The following PCDH7 variants were observed in gnomAD, a reference collection of about 807,000 sequenced individuals.
The protein encoded by PCDH7 is protocadherin-7.
Under a neutral mutation model 58.9 loss-of-function variants are expected in PCDH7, and 17 were observed. The ratio of observed to expected loss-of-function variants is 0.29; its 90% confidence interval spans 0.20 to 0.43. The LOEUF is 0.43. Among genes scored for constraint, PCDH7 ranks in the 20% least tolerant of loss-of-function variants. PCDH7 has a pLI of 1.00. For missense variants in PCDH7, 1,274 were observed against 1,441.0 expected (o/e 0.88, Z 1.88); for synonymous variants, 664 against 616.4 (o/e 1.08, Z -1.14).
intron 3 of PCDH7, among the ~76,000 whole-genome samples, chr4:31,009,432 G>A (rs1380695771): frequency 1.3e-5 from 2 of 151,912 alleles, no homozygotes; most frequent in African/African-American, 4.8e-5. Context: ...TACACACAGA[G>A]ACGCATTATA....
At chr4:31,142,239 A>T (rs1028788777) in intron 3 of PCDH7, among the ~76,000 whole-genome samples, 1 of 152,128 alleles carries the variant, frequency 6.6e-6, no homozygotes, top group African/African-American at 2.4e-5. Context: ...ACACACTTAA[A>T]TGTATCATTT....
chr4:30,739,513 A>G (rs1706663030), intron 1 of PCDH7, among the ~76,000 whole-genome samples: 1 of 152,172 alleles, frequency 6.6e-6, no homozygotes, highest in African/African-American at 2.4e-5. Context: ...AATTTCATAT[A>G]CAGAGATGGT....
rs575157240 is a variant in PCDH7, at chr4:31,059,678, G to A, written c.*8-82795G>A. Among the ~76,000 whole-genome samples the A allele has an allele frequency of 2.0e-5, 3 of 151,868 alleles. No individual in the cohort carries two copies. In the East Asian group the frequency reaches 5.8e-4, roughly 29 times the overall value. Reference sequence around the variant, plus strand: ...CTGGGAAAACGAAAATTTATATTTAGTGAAGGACAGTTGAGTCAGATATCT... The same window carrying A: ...CTGGGAAAACGAAAATTTATATTTAATGAAGGACAGTTGAGTCAGATATCT... On this transcript the variant is annotated intron_variant, in intron 3 of 3. Coordinates refer to the PCDH7 transcript ENST00000509759.
At chr4:31,019,435 GGCTCGTGCCTATAATCTCA>G (rs1305784900) in intron 3 of PCDH7, among the ~76,000 whole-genome samples, 1 of 152,126 alleles carries the variant, frequency 6.6e-6, no homozygotes, top group Admixed American at 6.6e-5. Flanking sequence ...CAGGCATGGT[GGCTCGTGCCTATAATCTCA>G]GCACTTTGGG....
chr4:30,723,780 A>G lies in PCDH7; in HGVS notation c.2358A>G (p.Gly786=). The G allele has an allele frequency of 6.2e-7, 1 of 1,614,132 alleles. No individual in the cohort carries two copies. The highest frequency in any genetic ancestry group is 8.5e-7 in the Non-Finnish European group (1 of 1,180,032). ...ACCTGAACTACAGCATTGTGGGAGG[A>G]AATCCCTTCAAGCTGTTTGAAATTG... Residue 786 remains glycine (G), a synonymous_variant, in exon 1 of 2, where the codon GGA becomes GGG. Transcript: ENST00000361762. The surrounding 1 kb of genome is among the most constrained non-coding windows in gnomAD (Gnocchi z 4.6).
At chr4:30,948,799 C>A (rs1250229346) in intron 2 of PCDH7, among the ~76,000 whole-genome samples, 1 of 151,986 alleles carries the variant, frequency 6.6e-6, no homozygotes, top group Non-Finnish European at 1.5e-5. Flanking sequence ...ATTGCCTAAG[C>A]CTTAGGTGGG....
chr4:31,121,613 G>A (rs528887390), intron 3 of PCDH7, among the ~76,000 whole-genome samples: 2 of 152,158 alleles, frequency 1.3e-5, no homozygotes, highest in African/African-American at 4.8e-5. Flanking sequence ...TTGAGAATTT[G>A]TAGTTCTTGT....
intron 3 of PCDH7, among the ~76,000 whole-genome samples, chr4:31,056,113 A>G (rs1377459694): frequency 6.6e-6 from 1 of 152,066 alleles, no homozygotes; most frequent in Non-Finnish European, 1.5e-5. Flanking sequence ...TCATGCATGT[A>G]ATCTCAATAC....
At chr4:31,126,881 G>T (rs962175213) in intron 3 of PCDH7, among the ~76,000 whole-genome samples, 3 of 152,102 alleles carry the variant, frequency 2.0e-5, no homozygotes, top group Admixed American at 2.0e-4. Flanking sequence ...TGATTTATTT[G>T]AATTGTACAA....
intron 3 of PCDH7, among the ~76,000 whole-genome samples, chr4:31,043,360 A>G (rs1756033863): frequency 6.6e-6 from 1 of 152,126 alleles, no homozygotes; most frequent in South Asian, 2.1e-4. Flanking sequence ...GAATTGCCAC[A>G]CTGTCTTCCA....
intron 3 of PCDH7, among the ~76,000 whole-genome samples, chr4:31,128,828 T>A (rs1560251211): frequency 6.6e-6 from 1 of 152,190 alleles, no homozygotes; most frequent in African/African-American, 2.4e-5. Context: ...TACATTGTTC[T>A]GTTAGAAAGA....
chr4:30,988,710 G>C (rs190073266), intron 3 of PCDH7, among the ~76,000 whole-genome samples: 23 of 152,254 alleles, frequency 1.5e-4, no homozygotes, highest in Admixed American at 1.1e-3. Flanking sequence ...ACAAATTGAA[G>C]TTTGCAACAT....
rs183071555 is a variant in PCDH7, at chr4:31,120,777, A to G, written c.*8-21696A>G. Among the ~76,000 whole-genome samples, 107 of 152,246 alleles carry G rather than the reference A, an allele frequency of 7.0e-4. 1 individual carries two copies. The highest frequency in any genetic ancestry group is 2.6e-3 in the African/African-American group (106 of 41,544). ...ACTCCGGGGGCCCTAGTTTAGCCAAATCCTTTTACCTCTTTCACTGTCTAG... is the reference window on the plus strand; with the variant it reads ...ACTCCGGGGGCCCTAGTTTAGCCAAGTCCTTTTACCTCTTTCACTGTCTAG... On this transcript the variant is annotated intron_variant, in intron 3 of 3. Coordinates refer to the PCDH7 transcript ENST00000509759.
intron 3 of PCDH7, among the ~76,000 whole-genome samples, chr4:30,997,745 C>A (rs1313818542): frequency 6.6e-6 from 1 of 151,976 alleles, no homozygotes; most frequent in East Asian, 1.9e-4. Flanking sequence ...ATAATATATG[C>A]TGAATGATAT....
chr4:31,055,166 A>G (rs1391405008), intron 3 of PCDH7, among the ~76,000 whole-genome samples: 6 of 152,082 alleles, frequency 3.9e-5, no homozygotes, highest in Non-Finnish European at 7.4e-5. Flanking sequence ...ATATTTTTTT[A>G]TTTATGTCAT....
At chr4:31,146,797 GGTTTCACACTT>G (rs1472969266), downstream of PCDH7, 1 of 152,072 alleles carries the variant, frequency 6.6e-6, no homozygotes, top group Non-Finnish European at 1.5e-5. Flanking sequence ...ATGGTCAAAT[GGTTTCACACTT>G]GTAAGTGTAC....
At chr4:31,065,404 A>T (rs143719174) in intron 3 of PCDH7, among the ~76,000 whole-genome samples, 1,608 of 152,056 alleles carry the variant, frequency 0.011, 26 homozygotes, top group African/African-American at 0.037. Context: ...AATTGTCTTC[A>T]CTTTGTAGTT....
intron 3 of PCDH7, among the ~76,000 whole-genome samples, chr4:31,045,876 A>T (rs1398209487): frequency 3.3e-5 from 5 of 152,060 alleles, no homozygotes; most frequent in African/African-American, 9.7e-5. Flanking sequence ...TACCTGCAGC[A>T]TTCTTGAATA....
intron 1 of PCDH7, among the ~76,000 whole-genome samples, chr4:30,906,764 TG>T (rs1330663966): frequency 6.6e-6 from 1 of 152,182 alleles, no homozygotes; most frequent in African/African-American, 2.4e-5. Flanking sequence ...GACTCACACC[TG>T]TAATCCCAGC....
Sources: gnomAD v4.1 joint callset for allele counts (sites outside exome capture counted in the v4.1 genomes callset) on GRCh38, gnomAD v4.1.1 for gene constraint, Gnocchi (gnomAD v3.1) non-coding constraint, MANE v1.5 for transcripts, NCBI Gene and HGNC (gene_info 2026-07-23, HGNC 2026-07-21) for gene names.